CDHR3: variants seen among roughly 807,000 people sequenced by gnomAD.
The protein encoded by CDHR3 is cadherin related family member 3, also known as cadherin-related family member 3.
A neutral mutation model predicts 86.6 loss-of-function variants in CDHR3; 79 were observed. That is an observed-to-expected ratio of 0.91 (90% CI 0.76 to 1.10). The LOEUF is 1.10. Among genes scored for constraint, CDHR3 ranks in the 50% least tolerant of loss-of-function variants. The probability of loss-of-function intolerance (pLI) is 0.00; values close to 1 mark genes in which losing one functional copy is unlikely to be tolerated. For missense variants in CDHR3, 1,081 were observed against 1,077.6 expected, an observed-to-expected ratio of 1.00 and a Z score of -0.04; for synonymous variants, 421 against 402.4, an observed-to-expected ratio of 1.05 and a Z score of -0.55.
At chr7:106,004,832 T>C (rs1426985555) in intron 8 of CDHR3, 145 bp downstream of exon 8, 7 of 729,856 alleles carry the variant, frequency 9.6e-6, no homozygotes, top group Non-Finnish European at 1.6e-5. Context: ...TGTTCACTGT[T>C]GTCCACAGGT....
rs758492718 is a variant in CDHR3, at chr7:105,984,270, G to A, written c.494G>A (p.Ser165Asn). 5.0e-6 allele frequency: 8 copies of A among 1,610,034 alleles called. No homozygotes were observed. Among genetic ancestry groups the A allele is most frequent in the Non-Finnish European group, 6.8e-6 (8 of 1,177,458 alleles). Residue 165 changes from serine (S) to asparagine (N), a missense_variant, in exon 4 of 19, where the codon AGC becomes AAC. Coordinates refer to ENST00000317716, the MANE Select transcript of CDHR3 (RefSeq NM_152750.5). ...QVEAFDPEDTSRNIPLSYFLI... is the reference protein window; with the variant it reads ...QVEAFDPEDTNRNIPLSYFLI... ...GAGGCCTTCGATCCAGAAGACACAA[G>A]CCGAAACATTCCCCTCAGTGTAAGT...
chr7:106,004,462 C>T lies in CDHR3; in HGVS notation c.863-36C>T, dbSNP rs755272965. 4 of 1,556,842 alleles carry T rather than the reference C, an allele frequency of 2.6e-6. No homozygotes were observed. The African/African-American group carries it at 4.1e-5, about 16-fold the overall frequency. On this transcript the variant is annotated intron_variant, in intron 7 of 18. Coordinates refer to ENST00000317716, the MANE Select transcript of CDHR3 (RefSeq NM_152750.5). ...AGTTTCTGTATTCCTTTTCATTTCT[C>T]TTCAAAGGGTCACGTTCTAACCTTT...
At chr7:105,995,010 G>A (rs556594469) in intron 5 of CDHR3, among the ~76,000 whole-genome samples, 165 bp downstream of exon 5, 1 of 152,236 alleles carries the variant, frequency 6.6e-6, no homozygotes, top group South Asian at 2.1e-4. Context: ...GAGGGATGGG[G>A]AATAAGGCAA....
intron 8 of CDHR3, among the ~76,000 whole-genome samples, chr7:106,008,957 A>C (rs1834349633): frequency 6.6e-6 from 1 of 152,160 alleles, no homozygotes; most frequent in Admixed American, 6.5e-5. Context: ...TGTTAATTGT[A>C]TATTTGGCTT....
chr7:105,965,760 T>C (rs558887119), intron 1 of CDHR3, among the ~76,000 whole-genome samples: 1 of 152,360 alleles, frequency 6.6e-6, no homozygotes, highest in Non-Finnish European at 1.5e-5. Flanking sequence ...TGGCCATTTC[T>C]GCCTCCTCAA....
intron 2 of CDHR3, among the ~76,000 whole-genome samples, chr7:105,977,914 G>A (rs968917687): frequency 6.6e-6 from 1 of 152,174 alleles, no homozygotes; most frequent in Non-Finnish European, 1.5e-5. Context: ...ATAATGAGGA[G>A]GAGGATGCTA....
At chr7:106,006,749 G>A (rs1248663062) in intron 8 of CDHR3, among the ~76,000 whole-genome samples, 1 of 152,202 alleles carries the variant, frequency 6.6e-6, no homozygotes, top group African/African-American at 2.4e-5. Flanking sequence ...TTGAGTGCCT[G>A]TGGCTTTTCC....
chr7:105,990,357 GT>G (rs1166760929), intron 4 of CDHR3, among the ~76,000 whole-genome samples: 1 of 152,218 alleles, frequency 6.6e-6, no homozygotes, highest in Non-Finnish European at 1.5e-5. Context: ...GCAGTGGGTA[GT>G]TTTTTAACGA....
In CDHR3 at chr7:105,991,901, G is replaced by A. The variant is rs188349814; in HGVS notation, c.514-2850G>A. On this transcript the variant is annotated intron_variant, in intron 4 of 18. Coordinates refer to ENST00000317716, the MANE Select transcript of CDHR3 (RefSeq NM_152750.5). ...TAGCACTTTATATGATAACCCGTGG[G>A]GCATGCCCTAGTATTATTACTCTTT... Among the ~76,000 whole-genome samples the A allele has an allele frequency of 2.6e-5, 4 of 152,188 alleles. No homozygotes were observed. In the East Asian group the frequency reaches 7.7e-4, roughly 29 times the overall value.
chr7:105,980,155 T>A (rs188592026), intron 2 of CDHR3, among the ~76,000 whole-genome samples: 199 of 152,386 alleles, frequency 1.3e-3, no homozygotes, highest in Non-Finnish European at 1.9e-3. Context: ...CTTACGCAGA[T>A]GTATCTTTCA....
chr7:106,011,391 C>A (rs1051597460), intron 8 of CDHR3, among the ~76,000 whole-genome samples: 9 of 151,912 alleles, frequency 5.9e-5, no homozygotes, highest in African/African-American at 2.2e-4. Context: ...ACTTTTGGAA[C>A]CAGAGACCTC....
chr7:106,029,580 T>TC (rs779632237), intron 17 of CDHR3, among the ~76,000 whole-genome samples: 25 of 138,556 alleles, frequency 1.8e-4, no homozygotes, highest in African/African-American at 5.8e-4. Context: ...CTCTCTCTCT[T>TC]TGACAGAACC....
Position 106,030,732 on chromosome 7 carries a change from G to A in CDHR3, c.2305-60G>A. 6.5e-7 allele frequency: 1 copy of A among 1,536,612 alleles called. No individual in the cohort carries two copies. Among genetic ancestry groups the A allele is most frequent in the South Asian group, 1.2e-5 (1 of 85,580 alleles). ...GGAACTTGGGTTGTGAGGATGTGTA[G>A]CTTTGCCTGGGGGAAGGAATGTAGG... On this transcript the variant is annotated intron_variant, in intron 17 of 18. Coordinates refer to ENST00000317716, the MANE Select transcript of CDHR3 (RefSeq NM_152750.5). This position sits in a 1 kb window ranked among gnomAD's most constrained non-coding sequence, Gnocchi z 4.8.
intron 4 of CDHR3, among the ~76,000 whole-genome samples, chr7:105,993,775 A>G (rs1831755385): frequency 1.3e-5 from 2 of 150,580 alleles, no homozygotes; most frequent in South Asian, 4.3e-4. Context: ...TCTTGACTCC[A>G]TTGTGGAAGA....
chr7:106,017,896 A>G lies in CDHR3; in HGVS notation c.1477A>G (p.Ser493Gly), dbSNP rs1477100823. 27 of 1,606,844 alleles carry G rather than the reference A, an allele frequency of 1.7e-5. No homozygotes were observed. Among genetic ancestry groups the G allele is most frequent in the East Asian group, 2.2e-5 (1 of 44,610 alleles). Residue 493 changes from serine (S) to glycine (G), a missense_variant, in exon 12 of 19, where the codon AGC becomes GGC. Ser to Gly is a moderately conservative substitution (Grantham distance 56, BLOSUM62 0). Transcript: ENST00000317716. ...AGCCACTGATAAAGACCTCCCCCAG[A>G]GCAGCCTCCTGTACTCCATCTCCAC... is the stretch of plus-strand genomic sequence containing the variant. ...VRATDKDLPQSSLLYSISTGG... is the reference protein window; with the variant it reads ...VRATDKDLPQGSLLYSISTGG...
At chr7:105,972,002 A>G (rs1828050356) in intron 1 of CDHR3, among the ~76,000 whole-genome samples, 1 of 152,238 alleles carries the variant, frequency 6.6e-6, no homozygotes, top group African/African-American at 2.4e-5. Flanking sequence ...TGTGACAGGC[A>G]TGGAGTGACC....
chr7:105,987,428 G>T (rs1346768457), intron 4 of CDHR3, among the ~76,000 whole-genome samples: 1 of 152,192 alleles, frequency 6.6e-6, no homozygotes, highest in Non-Finnish European at 1.5e-5. Context: ...TTAGGAAAAG[G>T]TAATAACAGT....
At chr7:106,006,723 C>T (rs558013305) in intron 8 of CDHR3, among the ~76,000 whole-genome samples, 3 of 152,358 alleles carry the variant, frequency 2.0e-5, no homozygotes, top group South Asian at 4.1e-4. Context: ...ATCCTGGATG[C>T]TTTCATGGGC....
chr7:106,032,918 T>C lies in CDHR3; in HGVS notation c.*221T>C. The C allele has an allele frequency of 5.5e-6, 3 of 541,902 alleles. No homozygotes were observed. In the South Asian group the frequency reaches 8.5e-5, roughly 15 times the overall value. The allele number at this position is 541,902 out of a possible 1,614,324, so 33.6% of individuals were successfully genotyped here. Reference sequence around the variant, plus strand: ...GATACAGGAACATTTTCTATCAGATTTCAGAACTACCTGTGCTTCTGATAA... The same window carrying C: ...GATACAGGAACATTTTCTATCAGATCTCAGAACTACCTGTGCTTCTGATAA... On this transcript the variant is annotated 3_prime_UTR_variant, in exon 19 of 19. Transcript: ENST00000317716.
Sources: allele counts gnomAD v4.1 joint callset (sites outside exome capture counted in the v4.1 genomes callset), GRCh38; gene constraint gnomAD v4.1.1; non-coding constraint Gnocchi (gnomAD v3.1); transcripts MANE v1.5; gene names NCBI Gene and HGNC (gene_info 2026-07-23, HGNC 2026-07-21).